The following DAPK3 variants were observed in gnomAD, a reference collection of about 807,000 sequenced individuals.
DAPK3 encodes the protein death-associated protein kinase 3.
A neutral mutation model predicts 30.6 loss-of-function variants in DAPK3; 24 were observed. That is an observed-to-expected ratio of 0.78 (90% CI 0.57 to 1.10). The LOEUF is 1.10. Among genes scored for constraint, DAPK3 ranks in the 50% least tolerant of loss-of-function variants. DAPK3 has a pLI of 0.00. For missense variants in DAPK3, 629 were observed against 657.3 expected (o/e 0.96, Z 0.47); for synonymous variants, 341 against 284.0 (o/e 1.20, Z -2.02).
At chr19:3,965,382 C>A (rs1186787960) in intron 2 of DAPK3, among the ~76,000 whole-genome samples, 2 of 152,140 alleles carry the variant, frequency 1.3e-5, no homozygotes, top group Non-Finnish European at 2.9e-5. Context: ...TTTGGGAGTT[C>A]GAGGAGGGCA....
At chr19:3,963,536 G>A in intron 6 of DAPK3, 107 bp downstream of exon 6, 1 of 635,656 alleles carries the variant, frequency 1.6e-6, no homozygotes, top group South Asian at 2.0e-5. Context: ...TACCCGCGAT[G>A]GGTCACAGCC....
Position 3,965,057 on chromosome 19 carries a change from TC to T in DAPK3, c.63-67del, listed in dbSNP as rs1241865840. 4.8e-6 allele frequency: 4 copies of T among 837,730 alleles called. No individual in the cohort carries two copies. The Admixed American group carries it at 7.4e-5, about 15-fold the overall frequency. 51.9% of individuals were successfully genotyped at this position (837,730 alleles called of 1,614,324 possible). ...GAGGGAGTAAGTGGGGGTGGCTGGC[TC>T]CCCGTCACCTCCACTTGCTCCTCTT... is the stretch of plus-strand genomic sequence containing the variant. On this transcript the variant is annotated intron_variant, in intron 2 of 8. Coordinates refer to ENST00000545797, the MANE Select transcript of DAPK3 (RefSeq NM_001348.3).
intron 6 of DAPK3, chr19:3,961,789 A>G (rs1165568033): frequency 3.2e-6 from 1 of 312,096 alleles, no homozygotes; most frequent in African/African-American, 2.2e-5. Context: ...TGAATGGCTA[A>G]ATGCCGTGTG....
intron 8 of DAPK3, 177 bp downstream of exon 8, chr19:3,959,882 G>T (rs2039485150): frequency 1.5e-5 from 10 of 646,194 alleles, no homozygotes; most frequent in Non-Finnish European, 2.4e-5. Context: ...TCTGTCGGGT[G>T]CTGGACATCC....
chr19:3,961,247 C>A, intron 6 of DAPK3, 86 bp from the exon 7 acceptor site: 1 of 1,127,472 alleles, frequency 8.9e-7, no homozygotes, highest in East Asian at 2.4e-5. Flanking sequence ...ACAGGCGGAG[C>A]ACAGAAGACA....
In DAPK3 at chr19:3,963,873, C is replaced by T. The variant is rs1288417478; in HGVS notation, c.600G>A (p.Met200Ile). Residue 200 changes from methionine to isoleucine, a missense_variant and splice_region_variant, in exon 5 of 9, where the codon ATG becomes ATA. Physicochemically the swap from Met to Ile is conservative, Grantham distance 10 (BLOSUM62 1). Transcript: ENST00000545797. ...GTGGGAGCAGGTGGTACACTCACCA[C>T]ATGTCCGCCTCCAGGCCCAGCGGCT... ...NYEPLGLEAD[M>I]WSIGVITYIL... 6.3e-7 allele frequency: 1 copy of T among 1,592,800 alleles called. No individual in the cohort carries two copies. The highest frequency in any genetic ancestry group is 1.1e-5 in the South Asian group (1 of 89,830).
intron 2 of DAPK3, among the ~76,000 whole-genome samples, chr19:3,966,433 T>G (rs2039577942): frequency 6.6e-6 from 1 of 152,080 alleles, no homozygotes; most frequent in Non-Finnish European, 1.5e-5. Flanking sequence ...ACCGGTCCAG[T>G]CCACAGGGCT....
At chr19:3,968,259 C>G (rs575040520) in intron 2 of DAPK3, among the ~76,000 whole-genome samples, 1 of 152,302 alleles carries the variant, frequency 6.6e-6, no homozygotes, top group African/African-American at 2.4e-5. Context: ...CTTTGGGAGG[C>G]CGAGGCAGGT....
chr19:3,970,803 C>T (rs897071234), intron 1 of DAPK3, 118 bp downstream of exon 1: 1 of 153,002 alleles, frequency 6.5e-6, no homozygotes, highest in Non-Finnish European at 1.5e-5. Context: ...CCCCCCGCCC[C>T]CAAGGCCTTG....
Position 3,959,507 on chromosome 19 carries a change from G to C in DAPK3, c.959C>G (p.Ala320Gly). 6.4e-7 allele frequency: 1 copy of C among 1,563,322 alleles called. No homozygotes were observed. The highest frequency in any genetic ancestry group is 8.6e-7 in the Non-Finnish European group (1 of 1,162,224). ...HSSLPPNNSY[A>G]DFERFSKVLE... is the part of the protein sequence containing the mutation. ...CACCTTGGAGAAGCGCTCGAAGTCG[G>C]CGTAGCTGTTGTTGGGCGGCAAGCT... The change falls in exon 9 of 9, where the codon GCC becomes GGC. Residue 320 changes from alanine to glycine, a missense_variant. Around this residue, in one of 2 missense-constraint regions of DAPK3, gnomAD observed 323 missense variants for 278.8 expected, o/e 1.16. Transcript: ENST00000545797.
chr19:3,959,254 C>T lies in DAPK3; in HGVS notation c.1212G>A (p.Leu404=). The stretch of plus-strand genomic sequence containing the variant: ...AGCGGCGCTTGAGGCCGCTGGTCCC[C>T]AGCAGCGCGCCCTTGGCCTCCTCCT... ...QAQEEAKGAL[L]GTSGLKRRFS... Residue 404 remains leucine (L), a synonymous_variant, in exon 9 of 9, where the codon CTG becomes CTA. Coordinates refer to ENST00000545797, the MANE Select transcript of DAPK3 (RefSeq NM_001348.3). 6.3e-7 allele frequency: 1 copy of T among 1,599,838 alleles called. No individual in the cohort carries two copies. The highest frequency in any genetic ancestry group is 8.5e-7 in the Non-Finnish European group (1 of 1,178,608).
intron 2 of DAPK3, among the ~76,000 whole-genome samples, chr19:3,968,543 C>A (rs761193195): frequency 2.6e-5 from 4 of 151,932 alleles, no homozygotes; most frequent in Non-Finnish European, 4.4e-5. Flanking sequence ...GTCATTCCAT[C>A]CATGTATGTA....
chr19:3,960,917 TG>T, intron 7 of DAPK3, 91 bp downstream of exon 7: 1 of 1,351,938 alleles, frequency 7.4e-7, no homozygotes, highest in Non-Finnish European at 1.0e-6. Flanking sequence ...CGCAGGGAGG[TG>T]GCGCTGGGAG....
At chr19:3,964,182 C>T in intron 4 of DAPK3, 62 bp downstream of exon 4, 1 of 1,445,186 alleles carries the variant, frequency 6.9e-7, no homozygotes, top group South Asian at 1.3e-5. Context: ...CCACCCCACG[C>T]ACAGCAGGCA....
At chr19:3,967,628 G>A (rs962825820) in intron 2 of DAPK3, among the ~76,000 whole-genome samples, 5 of 152,266 alleles carry the variant, frequency 3.3e-5, no homozygotes, top group East Asian at 3.9e-4. Context: ...GTTGGTGGGC[G>A]CCTGTAATTC....
intron 4 of DAPK3, 128 bp downstream of exon 4, chr19:3,964,116 G>C (rs2039548405): frequency 1.1e-6 from 1 of 929,892 alleles, no homozygotes; most frequent in Non-Finnish European, 1.6e-6. Flanking sequence ...CGCAAAGCCG[G>C]GCCCAAGAGG....
intron 3 of DAPK3, 48 bp downstream of exon 3, chr19:3,964,578 ATCCCC>A: frequency 1.9e-6 from 1 of 529,840 alleles, no homozygotes; most frequent in Non-Finnish European, 2.8e-6. Context: ...TCCCCGCCCC[ATCCCC>A]ACCCCCACAC....
Position 3,959,552 on chromosome 19 carries a change from T to C in DAPK3, c.914A>G (p.Tyr305Cys). 2 of 1,581,192 alleles carry C rather than the reference T, an allele frequency of 1.3e-6. No individual in the cohort carries two copies. The highest frequency in any genetic ancestry group is 8.5e-7 in the Non-Finnish European group (1 of 1,172,516). The part of the protein sequence containing the change: ...RRLKTTRLKE[Y>C]TIKSHSSLPP... The stretch of plus-strand genomic sequence containing the variant: ...CAAGCTGGAGTGCGACTTGATGGTG[T>C]ACTCCTTCAGACGCGTGGTCTTCAG... Residue 305 changes from tyrosine to cysteine, a missense_variant, in exon 9 of 9, where the codon TAC becomes TGC. Physicochemically the swap from Tyr to Cys is radical, Grantham distance 194 (BLOSUM62 -2). This residue lies in a region of DAPK3 where 323 missense variants were observed against 278.8 expected (regional missense o/e 1.16). Coordinates refer to ENST00000545797, the MANE Select transcript of DAPK3 (RefSeq NM_001348.3).
intron 6 of DAPK3, among the ~76,000 whole-genome samples, chr19:3,963,438 G>GT (rs2039539962): frequency 8.9e-6 from 1 of 112,820 alleles, no homozygotes; most frequent in Admixed American, 1.1e-4. Context: ...CAGCCGCTCT[G>GT]TGAGTGTCCT....
Sources: gnomAD v4.1 joint callset for allele counts (sites outside exome capture counted in the v4.1 genomes callset) on GRCh38, gnomAD v4.1.1 for gene constraint, gnomAD v4.1.1 regional missense constraint, MANE v1.5 for transcripts, NCBI Gene and HGNC (gene_info 2026-07-23, HGNC 2026-07-21) for gene names.